Variants in MEOX2 observed in about 807,000 individuals in gnomAD.
MEOX2 encodes the protein homeobox protein MOX-2.
MEOX2 carries 11 observed loss-of-function variants against 27.0 expected under a neutral mutation model. The ratio of observed to expected loss-of-function variants is 0.41; its 90% CI spans 0.26 to 0.68. The LOEUF (loss-of-function observed/expected upper bound fraction) is 0.68, where lower values mean the gene tolerates loss of function less well. Among genes scored for constraint, MEOX2 ranks in the 30% least tolerant of loss-of-function variants. The pLI, the probability that MEOX2 is intolerant of heterozygous loss-of-function variation, is 0.33. For missense variants in MEOX2, 436 were observed against 385.4 expected (o/e 1.13, Z -1.10); for synonymous variants, 189 against 155.4 (o/e 1.22, Z -1.61).
In MEOX2 at chr7:15,686,094, C is replaced by A; in HGVS notation, c.309G>T (p.Ala103=). ...GCTGGAGGCAGAGGCTGTGCCGAGC[C>A]GCACTCGGTGGGGAAGACATCTGCG... ...HLPQMSSPPS[A]ARHSLCLQPD... Residue 103 remains alanine (A), a synonymous_variant, in exon 1 of 3, where the codon GCG becomes GCT. Coordinates refer to ENST00000262041, the MANE Select transcript of MEOX2 (RefSeq NM_005924.5). The A allele has an allele frequency of 6.3e-7, 1 of 1,587,230 alleles. No individual in the cohort carries two copies. Among genetic ancestry groups the A allele is most frequent in the Non-Finnish European group, 8.6e-7 (1 of 1,168,386 alleles).
At chr7:15,649,154 T>C (rs1383824639) in intron 1 of MEOX2, among the ~76,000 whole-genome samples, 1 of 152,114 alleles carries the variant, frequency 6.6e-6, no homozygotes, top group Non-Finnish European at 1.5e-5. Flanking sequence ...AATTTCCATA[T>C]CTTAAACATT....
chr7:15,682,113 A>G (rs755100303), intron 1 of MEOX2: 6 of 151,702 alleles, frequency 4.0e-5, no homozygotes, highest in Non-Finnish European at 5.9e-5. Context: ...TTAGTCTACC[A>G]GTCCAAGATA....
chr7:15,666,696 G>T (rs560835365), intron 1 of MEOX2, among the ~76,000 whole-genome samples: 14 of 138,658 alleles, frequency 1.0e-4, no homozygotes, highest in African/African-American at 3.6e-4. Flanking sequence ...AGGTTGCAGT[G>T]AGCCGAGATC....
intron 1 of MEOX2, among the ~76,000 whole-genome samples, chr7:15,628,075 A>C (rs183384182): frequency 1.3e-5 from 2 of 152,226 alleles, no homozygotes; most frequent in Non-Finnish European, 2.9e-5. Context: ...CAAAGGTTTC[A>C]AAGAGTGACA....
intron 1 of MEOX2, 148 bp downstream of exon 1, chr7:15,685,738 C>T: frequency 8.9e-7 from 1 of 1,128,190 alleles, no homozygotes; most frequent in East Asian, 2.4e-5. Flanking sequence ...CAAAGCTTCA[C>T]CGCCGAATTT....
intron 1 of MEOX2, among the ~76,000 whole-genome samples, chr7:15,684,854 AT>A (rs1437605796): frequency 6.6e-6 from 1 of 152,242 alleles, no homozygotes; most frequent in East Asian, 1.9e-4. Flanking sequence ...TCTTTTAACA[AT>A]TTTATAAAAA....
intron 1 of MEOX2, among the ~76,000 whole-genome samples, chr7:15,673,667 C>T (rs1165127465): frequency 6.7e-6 from 1 of 148,586 alleles, no homozygotes; most frequent in Non-Finnish European, 1.5e-5. Flanking sequence ...ACGGTCCTAG[C>T]TGGTCAATAA....
chr7:15,639,615 T>C (rs1159301464), intron 1 of MEOX2, among the ~76,000 whole-genome samples: 1 of 152,134 alleles, frequency 6.6e-6, no homozygotes, highest in East Asian at 1.9e-4. Flanking sequence ...TTTAGATCTT[T>C]GGTACATCTT....
chr7:15,666,596 C>A (rs886583262), intron 1 of MEOX2, among the ~76,000 whole-genome samples: 29 of 150,856 alleles, frequency 1.9e-4, no homozygotes, highest in African/African-American at 6.8e-4. Context: ...TACTAAAATA[C>A]AAAAAATTAG....
In MEOX2 at chr7:15,635,316, A is replaced by G. The variant is rs149297073; in HGVS notation, c.518-8398T>C. 1.8e-3 allele frequency among the ~76,000 whole-genome samples: 274 copies of G among 152,066 alleles called. 3 individuals are homozygous for G. The highest frequency in any genetic ancestry group is 6.4e-3 in the African/African-American group (266 of 41,494). ...TTACCTACTGCATGGCCTTTTCACAACAAGGATTTGAGGACCACTGCCATT... is the reference window on the plus strand; with the variant it reads ...TTACCTACTGCATGGCCTTTTCACAGCAAGGATTTGAGGACCACTGCCATT... On this transcript the variant is annotated intron_variant, in intron 1 of 2. Coordinates refer to ENST00000262041, the MANE Select transcript of MEOX2 (RefSeq NM_005924.5).
At chr7:15,656,647 T>C (rs966087861) in intron 1 of MEOX2, among the ~76,000 whole-genome samples, 3 of 151,892 alleles carry the variant, frequency 2.0e-5, no homozygotes, top group African/African-American at 7.2e-5. Flanking sequence ...AAAACCATTA[T>C]CTTAAATATT....
At chr7:15,650,269 C>G (rs1193547638) in intron 1 of MEOX2, among the ~76,000 whole-genome samples, 1 of 152,090 alleles carries the variant, frequency 6.6e-6, no homozygotes, top group Non-Finnish European at 1.5e-5. Flanking sequence ...AAGAGTTCTA[C>G]TGCTTTCCAC....
intron 1 of MEOX2, among the ~76,000 whole-genome samples, chr7:15,639,356 T>A (rs1781527825): frequency 6.6e-6 from 1 of 152,130 alleles, no homozygotes; most frequent in South Asian, 2.1e-4. Context: ...TTGTTTAAGT[T>A]CTTTATATAT....
At chr7:15,628,782 A>G (rs1781356118) in intron 1 of MEOX2, among the ~76,000 whole-genome samples, 1 of 152,080 alleles carries the variant, frequency 6.6e-6, no homozygotes, top group Non-Finnish European at 1.5e-5. Context: ...ACATTGGTGG[A>G]GCATTTAGCT....
chr7:15,653,100 G>A (rs1399087524), intron 1 of MEOX2, among the ~76,000 whole-genome samples: 1 of 120,150 alleles, frequency 8.3e-6, no homozygotes, highest in African/African-American at 2.6e-5. Flanking sequence ...CACTAGCGGT[G>A]GTGTCTGGAT....
At chr7:15,620,472 C>A (rs1781205164) in intron 2 of MEOX2, among the ~76,000 whole-genome samples, 1 of 152,110 alleles carries the variant, frequency 6.6e-6, no homozygotes, top group Admixed American at 6.6e-5. Context: ...ACTCGGGAGG[C>A]TGAGGCAGGA....
chr7:15,662,621 G>C (rs1331595883), intron 1 of MEOX2, among the ~76,000 whole-genome samples: 1 of 152,060 alleles, frequency 6.6e-6, no homozygotes, highest in East Asian at 1.9e-4. Flanking sequence ...ATAGGAATAA[G>C]CAGACTTTTA....
At chr7:15,653,307 C>A (rs961154325) in intron 1 of MEOX2, among the ~76,000 whole-genome samples, 5 of 151,934 alleles carry the variant, frequency 3.3e-5, no homozygotes, top group African/African-American at 7.2e-5. Context: ...CTCTTTCTAT[C>A]CTTGGCCCAC....
chr7:15,650,701 T>A (rs570741011), intron 1 of MEOX2, among the ~76,000 whole-genome samples: 1 of 151,728 alleles, frequency 6.6e-6, no homozygotes, highest in African/African-American at 2.4e-5. Flanking sequence ...AAAATTGAGT[T>A]TTTTTGGGGG....
Sources: allele counts gnomAD v4.1 joint callset (sites outside exome capture counted in the v4.1 genomes callset), GRCh38; gene constraint gnomAD v4.1.1; transcripts MANE v1.5; gene names NCBI Gene and HGNC (gene_info 2026-07-23, HGNC 2026-07-21).